The following UPP2 variants were observed in gnomAD, a reference collection of about 807,000 sequenced individuals.
UPP2 encodes uridine phosphorylase 2, also known as UPase 2.
In UPP2, 23 loss-of-function variants were observed where a neutral mutation model predicts 26.7. That is an observed-to-expected ratio of 0.86 (90% CI 0.62 to 1.22). The LOEUF is 1.22. Ranked by LOEUF, UPP2 falls within the 50% of genes most tolerant of loss-of-function variation. The pLI, the probability that UPP2 is intolerant of heterozygous loss-of-function variation, is 0.00. For missense variants in UPP2, 387 were observed against 396.7 expected (o/e 0.98, Z 0.21); for synonymous variants, 127 against 141.3 (o/e 0.90, Z 0.72).
intron 3 of UPP2, among the ~76,000 whole-genome samples, chr2:158,038,315 A>T (rs1684033601): frequency 6.6e-6 from 1 of 152,236 alleles, no homozygotes; most frequent in African/African-American, 2.4e-5. Flanking sequence ...AAGTGATGTG[A>T]GGCTGATTTG....
chr2:158,085,977 T>A (rs1682808132), intron 3 of UPP2, among the ~76,000 whole-genome samples: 1 of 152,094 alleles, frequency 6.6e-6, no homozygotes. Flanking sequence ...CTTTGTTATG[T>A]CCTTTCCTGG....
At chr2:158,061,082 C>T (rs944624304) in intron 3 of UPP2, among the ~76,000 whole-genome samples, 5 of 152,198 alleles carry the variant, frequency 3.3e-5, no homozygotes, top group Admixed American at 1.3e-4. Context: ...AAAGCTAAGG[C>T]TTAATCCATT....
At chr2:158,083,153 C>A (rs1172618159) in intron 3 of UPP2, among the ~76,000 whole-genome samples, 3 of 152,132 alleles carry the variant, frequency 2.0e-5, no homozygotes, top group African/African-American at 7.2e-5. Context: ...TGTGGCGATT[C>A]CTCAAGGATC....
At chr2:158,118,848 C>A (rs375641193) in intron 4 of UPP2, among the ~76,000 whole-genome samples, 3 of 152,116 alleles carry the variant, frequency 2.0e-5, no homozygotes, top group East Asian at 3.9e-4. Flanking sequence ...CACAAAGCCA[C>A]CATGGCTGAG....
In UPP2 at chr2:158,095,437, A is replaced by C. The variant is rs527681991; in HGVS notation, c.148-6603A>C. Among the ~76,000 whole-genome samples, 506 of 152,278 alleles carry C rather than the reference A, an allele frequency of 3.3e-3. 2 individuals are homozygous for C. Among genetic ancestry groups the C allele is most frequent in the African/African-American group, 0.012 (481 of 41,556 alleles). On this transcript the variant is annotated intron_variant, in intron 3 of 9. Coordinates refer to the UPP2 transcript ENST00000605860. The stretch of plus-strand genomic sequence containing the variant: ...TACATCCCAGTCCTACTTCACCTTC[A>C]ACACCCAGATCAAATTCCCTTCTCT...
chr2:158,070,153 C>A (rs749456588), intron 3 of UPP2, among the ~76,000 whole-genome samples: 1 of 152,144 alleles, frequency 6.6e-6, no homozygotes, highest in Non-Finnish European at 1.5e-5. Context: ...ACTAGCCAAT[C>A]TTTTGCTACT....
At chr2:158,027,928 C>T (rs1408837051) in intron 3 of UPP2, among the ~76,000 whole-genome samples, 1 of 152,206 alleles carries the variant, frequency 6.6e-6, no homozygotes. Context: ...TCAGCCACGG[C>T]TGGAGTGACT....
At chr2:158,037,097 G>T (rs1449468357) in intron 3 of UPP2, among the ~76,000 whole-genome samples, 1 of 152,178 alleles carries the variant, frequency 6.6e-6, no homozygotes, top group East Asian at 1.9e-4. Context: ...ATCCTTGGCT[G>T]GGTGTGGTGG....
intron 3 of UPP2, among the ~76,000 whole-genome samples, chr2:158,034,051 T>C (rs983899525): frequency 6.6e-6 from 1 of 152,060 alleles, no homozygotes; most frequent in Admixed American, 6.5e-5. Flanking sequence ...CAGAGAACAG[T>C]GTAAGGCTCC....
At chr2:158,044,952 G>A (rs941911775) in intron 3 of UPP2, among the ~76,000 whole-genome samples, 4 of 152,180 alleles carry the variant, frequency 2.6e-5, no homozygotes, top group Non-Finnish European at 4.4e-5. Context: ...GATAGGTAAT[G>A]AATGAATACT....
chr2:158,073,813 A>G (rs1682583270), intron 3 of UPP2, among the ~76,000 whole-genome samples: 1 of 152,244 alleles, frequency 6.6e-6, no homozygotes, highest in South Asian at 2.1e-4. Context: ...TCAACACCAG[A>G]TCTTTCCTAC....
intron 3 of UPP2, among the ~76,000 whole-genome samples, chr2:158,090,329 GTC>G (rs1682890079): frequency 6.6e-6 from 1 of 152,064 alleles, no homozygotes; most frequent in Non-Finnish European, 1.5e-5. Context: ...GTGAAACCCT[GTC>G]TCTACTAAAA....
At chr2:158,094,190 G>A (rs1574286930) in intron 3 of UPP2, among the ~76,000 whole-genome samples, 2 of 151,998 alleles carry the variant, frequency 1.3e-5, no homozygotes, top group East Asian at 3.9e-4. Context: ...GGAAGAAAGT[G>A]AAGGTAATCT....
intron 2 of UPP2, among the ~76,000 whole-genome samples, chr2:158,009,237 G>A (rs1456517117): frequency 2.0e-5 from 3 of 152,146 alleles, no homozygotes; most frequent in Admixed American, 1.3e-4. Flanking sequence ...TCTAAAGCAT[G>A]TACATTCTGA....
rs776144701 is a variant in UPP2, at chr2:158,102,075, T to C, written c.12T>C (p.Val4=). The change falls in exon 1 of 7, where the codon GTT becomes GTC. Residue 4 remains valine, a synonymous_variant. Transcript: ENST00000005756. MAS[V]IPASNRSMRS... ...ACATAGTAGAGAGAATGGCTTCAGT[T>C]ATACCTGCCTCCAATAGGTCCATGA... The C allele has an allele frequency of 6.8e-6, 11 of 1,613,622 alleles. No individual in the cohort carries two copies. Among genetic ancestry groups the C allele is most frequent in the Non-Finnish European group, 8.5e-6 (10 of 1,179,762 alleles).
At chr2:158,052,149 A>G (rs1459918019) in intron 3 of UPP2, among the ~76,000 whole-genome samples, 2 of 152,188 alleles carry the variant, frequency 1.3e-5, no homozygotes, top group Non-Finnish European at 2.9e-5. Flanking sequence ...TGTTTATCTG[A>G]CAGTCAAATT....
At chr2:158,073,368 A>G (rs1480198305) in intron 3 of UPP2, among the ~76,000 whole-genome samples, 2 of 152,176 alleles carry the variant, frequency 1.3e-5, no homozygotes, top group Non-Finnish European at 2.9e-5. Flanking sequence ...GGGCAAATCT[A>G]AGAGTATTGA....
intron 3 of UPP2, among the ~76,000 whole-genome samples, chr2:158,055,147 C>T (rs938544367): frequency 3.3e-5 from 5 of 152,180 alleles, no homozygotes; most frequent in African/African-American, 1.2e-4. Context: ...ATTGAAGGGT[C>T]GCATCTGGTG....
intron 3 of UPP2, among the ~76,000 whole-genome samples, chr2:158,037,476 T>C (rs574706849): frequency 5.9e-5 from 9 of 152,230 alleles, no homozygotes; most frequent in African/African-American, 2.2e-4. Flanking sequence ...ATCACAGAAA[T>C]GTATTCTCTG....
Sources: gnomAD v4.1 joint callset for allele counts (sites outside exome capture counted in the v4.1 genomes callset) on GRCh38, gnomAD v4.1.1 for gene constraint, MANE v1.5 for transcripts, NCBI Gene and HGNC (gene_info 2026-07-23, HGNC 2026-07-21) for gene names.